ZFP69B: variants seen among roughly 807,000 people sequenced by gnomAD.
ZFP69B encodes ZFP69 zinc finger protein B.
In ZFP69B, 20 loss-of-function variants were observed where a neutral mutation model predicts 19.7. The ratio of observed to expected loss-of-function variants is 1.02; its 90% confidence interval spans 0.71 to 1.48. The LOEUF (loss-of-function observed/expected upper bound fraction) is 1.48. ZFP69B is among the 40% of genes most tolerant of loss of function. The pLI, the probability that ZFP69B is intolerant of heterozygous loss-of-function variation, is 0.00. For missense variants in ZFP69B, 583 were observed against 632.6 expected, an observed-to-expected ratio of 0.92 and a Z score of 0.84; for synonymous variants, 220 against 222.7, an observed-to-expected ratio of 0.99 and a Z score of 0.11.
chr1:40,457,340 G>A lies in ZFP69B; in HGVS notation c.341-4G>A. ...ATATACAGTCTTTTCTTCCCCATAAGCAGGATGTCAGCTTTCCAAACCTGG... is the reference window on the plus strand; with the variant it reads ...ATATACAGTCTTTTCTTCCCCATAAACAGGATGTCAGCTTTCCAAACCTGG... On this transcript the variant is annotated splice_polypyrimidine_tract_variant and splice_region_variant and intron_variant, in intron 3 of 4. Coordinates refer to ENST00000361584, the MANE Select transcript of ZFP69B (RefSeq NM_023070.3). 1.2e-6 allele frequency: 2 copies of A among 1,613,942 alleles called. No individual in the cohort carries two copies. The highest frequency in any genetic ancestry group is 1.7e-6 in the Non-Finnish European group (2 of 1,179,870).
Position 40,451,067 on chromosome 1 carries a change from A to C in ZFP69B, c.106A>C (p.Thr36Pro), listed in dbSNP as rs1323236231. Reference protein sequence around the residue: ...TERVALWEDVTKMFKAEALLS... With the variant: ...TERVALWEDVPKMFKAEALLS... ...GCGGGTGGCCCTGTGGGAGGATGTGACTAAGATGTTTAAAGCAGAAGGTAA... is the reference window on the plus strand; with the variant it reads ...GCGGGTGGCCCTGTGGGAGGATGTGCCTAAGATGTTTAAAGCAGAAGGTAA... Residue 36 changes from threonine to proline, a missense_variant, in exon 1 of 5, where the codon ACT becomes CCT. Thr to Pro is a conservative substitution (Grantham distance 38). Coordinates refer to ENST00000361584, the MANE Select transcript of ZFP69B (RefSeq NM_023070.3). 27 of 1,546,346 alleles carry C rather than the reference A, an allele frequency of 1.7e-5. No homozygotes were observed. Among genetic ancestry groups the C allele is most frequent in the Non-Finnish European group, 2.3e-5 (26 of 1,144,712 alleles).
chr1:40,453,043 C>T (rs1351149093), intron 1 of ZFP69B, among the ~76,000 whole-genome samples: 1 of 150,664 alleles, frequency 6.6e-6, no homozygotes, highest in Non-Finnish European at 1.5e-5. Flanking sequence ...TTATTGCAAC[C>T]TCTGCCTCCC....
intron 4 of ZFP69B, 116 bp from the exon 5 acceptor site, chr1:40,462,305 G>A (rs1426446141): frequency 2.1e-6 from 2 of 930,530 alleles, no homozygotes; most frequent in Non-Finnish European, 3.1e-6. Context: ...TCACATTTGA[G>A]GATGATCCAG....
At chr1:40,458,385 C>T (rs1429776947) in intron 4 of ZFP69B, among the ~76,000 whole-genome samples, 1 of 151,700 alleles carries the variant, frequency 6.6e-6, no homozygotes, top group Admixed American at 6.6e-5. Flanking sequence ...TGATTTCTGC[C>T]TAGGTCAGGA....
At chr1:40,459,386 A>C (rs184734163) in intron 4 of ZFP69B, among the ~76,000 whole-genome samples, 139 of 152,342 alleles carry the variant, frequency 9.1e-4, no homozygotes, top group Non-Finnish European at 1.5e-3. Context: ...ATCCAAAAAC[A>C]GAAGCCATCT....
chr1:40,463,655 C>A lies in ZFP69B; in HGVS notation c.*66C>A. The A allele has an allele frequency of 7.2e-7, 1 of 1,383,892 alleles. No individual in the cohort carries two copies. The highest frequency in any genetic ancestry group is 9.7e-7 in the Non-Finnish European group (1 of 1,028,222). The allele number at this position is 1,383,892 out of a possible 1,614,324, so 85.7% of individuals were successfully genotyped here. A position where few individuals can be genotyped will look rare whatever the true frequency, so the allele number is the denominator to read the frequency against. On this transcript the variant is annotated 3_prime_UTR_variant, in exon 5 of 5. Transcript: ENST00000361584. ...TTCTAAATCAGTGGTTCCCTGATCCCTCAAAAATCCATTTGTTTTTGGATT... is the reference window on the plus strand; with the variant it reads ...TTCTAAATCAGTGGTTCCCTGATCCATCAAAAATCCATTTGTTTTTGGATT...
rs369086111 is a variant in ZFP69B at position 40,457,333 on chromosome 1, C to T, written c.341-11C>T. ...CCTCAGCATATACAGTCTTTTCTTCCCCATAAGCAGGATGTCAGCTTTCCA... is the reference window on the plus strand; with the variant it reads ...CCTCAGCATATACAGTCTTTTCTTCTCCATAAGCAGGATGTCAGCTTTCCA... On this transcript the variant is annotated splice_polypyrimidine_tract_variant and intron_variant, in intron 3 of 4. Transcript: ENST00000361584. The T allele has an allele frequency of 5.9e-5, 96 of 1,613,514 alleles. 2 individuals are homozygous for T. Among genetic ancestry groups the T allele is most frequent in the East Asian group, 5.6e-4 (25 of 44,868 alleles).
intron 2 of ZFP69B, among the ~76,000 whole-genome samples, chr1:40,456,315 C>T (rs890903234): frequency 4.6e-5 from 7 of 152,062 alleles, no homozygotes; most frequent in Non-Finnish European, 1.0e-4. Context: ...GGCATGAGAT[C>T]GTATCTCATC....
intron 2 of ZFP69B, among the ~76,000 whole-genome samples, chr1:40,455,627 C>T (rs934895311): frequency 2.0e-5 from 3 of 152,040 alleles, no homozygotes; most frequent in Non-Finnish European, 4.4e-5. Context: ...TTTAATTATA[C>T]TTGAAGTTCT....
chr1:40,451,094 A>T lies in ZFP69B; in HGVS notation c.127+6A>T. 4.6e-6 allele frequency: 7 copies of T among 1,526,288 alleles called. No homozygotes were observed. The highest frequency in any genetic ancestry group is 6.2e-6 in the Non-Finnish European group (7 of 1,132,774). 94.5% of individuals were successfully genotyped at this position (1,526,288 alleles called of 1,614,324 possible). On this transcript the variant is annotated splice_donor_region_variant and intron_variant, in intron 1 of 4. Transcript: ENST00000361584. ...TAAGATGTTTAAAGCAGAAGGTAAG[A>T]ATAAACTGATGGGTGGGAGGGAGGA...
chr1:40,458,254 T>C (rs1569980281), intron 4 of ZFP69B, among the ~76,000 whole-genome samples: 1 of 152,260 alleles, frequency 6.6e-6, no homozygotes, highest in South Asian at 2.1e-4. Flanking sequence ...AGATTACACA[T>C]GTAGACCTCG....
At chr1:40,456,479 C>T (rs1172465437) in intron 2 of ZFP69B, among the ~76,000 whole-genome samples, 1 of 152,180 alleles carries the variant, frequency 6.6e-6, no homozygotes, top group East Asian at 1.9e-4. Flanking sequence ...AGAATTCATG[C>T]TCCCTCCAAA....
intron 4 of ZFP69B, 50 bp downstream of exon 4, chr1:40,457,489 C>G (rs1645245021): frequency 1.3e-6 from 2 of 1,507,110 alleles, no homozygotes; most frequent in African/African-American, 2.7e-5. Context: ...GAGAATTCCC[C>G]TCAAGGCCTT....
chr1:40,450,731 G>T lies in ZFP69B; in HGVS notation c.-231G>T. 1 of 321,238 alleles carries T rather than the reference G, an allele frequency of 3.1e-6. No individual in the cohort carries two copies. Among genetic ancestry groups the T allele is most frequent in the Non-Finnish European group, 5.5e-6 (1 of 181,058 alleles). 19.9% of individuals were successfully genotyped at this position (321,238 alleles called of 1,614,324 possible). A position where few individuals can be genotyped will look rare whatever the true frequency, so the allele number is the denominator to read the frequency against. On this transcript the variant is annotated 5_prime_UTR_variant, in exon 1 of 5. Coordinates refer to ENST00000361584, the MANE Select transcript of ZFP69B (RefSeq NM_023070.3). ...CAAGGAGACAGATGGAGCTCAAGTTGGGAGATACGCCCTGAGAGCCGATGA... is the reference window on the plus strand; with the variant it reads ...CAAGGAGACAGATGGAGCTCAAGTTTGGAGATACGCCCTGAGAGCCGATGA...
chr1:40,457,302 C>G, intron 3 of ZFP69B, 42 bp from the exon 4 acceptor site: 1 of 1,599,460 alleles, frequency 6.3e-7, no homozygotes, highest in African/African-American at 1.3e-5. Flanking sequence ...TGGGATGGCT[C>G]TGTGACCTCA....
At position 40,451,106 on chromosome 1, in the gene ZFP69B, G is replaced by T. The variant is rs1645181984; in HGVS notation, c.127+18G>T. 2.0e-6 allele frequency: 3 copies of T among 1,508,656 alleles called. No individual in the cohort carries two copies. Among genetic ancestry groups the T allele is most frequent in the Middle Eastern group, 1.7e-4 (1 of 5,794 alleles). 93.5% of individuals were successfully genotyped at this position (1,508,656 alleles called of 1,614,324 possible). ...AGCAGAAGGTAAGAATAAACTGATGGGTGGGAGGGAGGAAAAGCAGTCCCC... is the reference window on the plus strand; with the variant it reads ...AGCAGAAGGTAAGAATAAACTGATGTGTGGGAGGGAGGAAAAGCAGTCCCC... On this transcript the variant is annotated intron_variant, in intron 1 of 4. Coordinates refer to ENST00000361584, the MANE Select transcript of ZFP69B (RefSeq NM_023070.3).
At chr1:40,460,392 G>T (rs1467804268) in intron 4 of ZFP69B, among the ~76,000 whole-genome samples, 1 of 152,220 alleles carries the variant, frequency 6.6e-6, no homozygotes, top group Non-Finnish European at 1.5e-5. Context: ...CAGCAACTCA[G>T]AAGGCTGAGG....
chr1:40,457,470 T>C lies in ZFP69B; in HGVS notation c.436+31T>C, dbSNP rs192978545. On this transcript the variant is annotated intron_variant, in intron 4 of 4. Coordinates refer to ENST00000361584, the MANE Select transcript of ZFP69B (RefSeq NM_023070.3). ...TGCAAGGCAGGTGGGGCCTTTGTGATGTTAGCCAGAGAATTCCCCTCAAGG... is the reference window on the plus strand; with the variant it reads ...TGCAAGGCAGGTGGGGCCTTTGTGACGTTAGCCAGAGAATTCCCCTCAAGG... The C allele has an allele frequency of 1.3e-5, 21 of 1,592,656 alleles. No homozygotes were observed. In the East Asian group the frequency reaches 4.7e-4, roughly 36 times the overall value.
intron 3 of ZFP69B, 82 bp downstream of exon 3, chr1:40,457,153 T>C (rs1299707574): frequency 1.5e-5 from 24 of 1,578,142 alleles, no homozygotes; most frequent in Middle Eastern, 1.7e-4. Context: ...TTGTTTGGGC[T>C]TTCGGTTCTG....
Sources: gnomAD v4.1 joint callset for allele counts (sites outside exome capture counted in the v4.1 genomes callset) on GRCh38, gnomAD v4.1.1 for gene constraint, MANE v1.5 for transcripts, NCBI Gene and HGNC (gene_info 2026-07-23, HGNC 2026-07-21) for gene names.